The following FAR2 variants were observed in gnomAD, a reference collection of about 807,000 sequenced individuals.
FAR2 encodes the protein epididymis secretory protein Li 81.
In FAR2, 19 loss-of-function variants were observed where a neutral mutation model predicts 56.0. That is an observed-to-expected ratio of 0.34 (90% confidence interval 0.24 to 0.50). The LOEUF is 0.50. Ranked by LOEUF, FAR2 falls within the 20% of genes least tolerant of loss-of-function variation. The probability of loss-of-function intolerance (pLI) is 0.98; values close to 1 mark genes in which losing one functional copy is unlikely to be tolerated. For synonymous variants in FAR2, 219 were observed against 218.8 expected, an observed-to-expected ratio of 1.00 and a Z score of -0.01; for missense variants, 508 against 642.2, an observed-to-expected ratio of 0.79 and a Z score of 2.26.
At chr12:29,288,255 T>G (rs547872185) in intron 2 of FAR2, among the ~76,000 whole-genome samples, 3 of 152,270 alleles carry the variant, frequency 2.0e-5, no homozygotes, top group Admixed American at 2.0e-4. Context: ...AAGAACAAGG[T>G]TTCCTAAAAT....
intron 1 of FAR2, among the ~76,000 whole-genome samples, chr12:29,211,482 A>G (rs184213646): frequency 2.1e-4 from 32 of 152,310 alleles, no homozygotes; most frequent in African/African-American, 7.5e-4. Context: ...AGTTAAGTAT[A>G]TCAACAAGTT....
At chr12:29,203,875 C>T (rs1638477568) in intron 1 of FAR2, among the ~76,000 whole-genome samples, 1 of 151,582 alleles carries the variant, frequency 6.6e-6, no homozygotes, top group Non-Finnish European at 1.5e-5. Context: ...TGGCGGGCGC[C>T]TGTAGTCCCA....
At chr12:29,326,285 A>C (rs1949644700) in intron 10 of FAR2, among the ~76,000 whole-genome samples, 1 of 152,244 alleles carries the variant, frequency 6.6e-6, no homozygotes. Flanking sequence ...AAAAAAGTCC[A>C]GGACCAGATG....
At chr12:29,178,187 A>C (rs1050620943) in intron 1 of FAR2, among the ~76,000 whole-genome samples, 1 of 152,104 alleles carries the variant, frequency 6.6e-6, no homozygotes, top group African/African-American at 2.4e-5. Flanking sequence ...TAACAATAAA[A>C]AAAAAAAAAG....
intron 1 of FAR2, among the ~76,000 whole-genome samples, chr12:29,162,952 A>G (rs577910273): frequency 6.6e-6 from 1 of 152,378 alleles, no homozygotes; most frequent in South Asian, 2.1e-4. Context: ...TAAGAAGAGT[A>G]AAACACAGTC....
At chr12:29,200,465 A>G (rs1395825893) in intron 1 of FAR2, among the ~76,000 whole-genome samples, 1 of 152,210 alleles carries the variant, frequency 6.6e-6, no homozygotes, top group Non-Finnish European at 1.5e-5. Flanking sequence ...GTATTCGACA[A>G]TCAGTCTTCT....
At chr12:29,210,926 G>A (rs1483213559) in intron 1 of FAR2, among the ~76,000 whole-genome samples, 3 of 138,314 alleles carry the variant, frequency 2.2e-5, no homozygotes, top group Non-Finnish European at 4.7e-5. Flanking sequence ...GTGTGACAGA[G>A]TGAGACTCCG....
At chr12:29,222,308 TTTTG>T (rs1947705232) in intron 1 of FAR2, among the ~76,000 whole-genome samples, 1 of 152,226 alleles carries the variant, frequency 6.6e-6, no homozygotes, top group Admixed American at 6.5e-5. Flanking sequence ...TATTTCATTG[TTTTG>T]ATTGTTAAAG....
intron 2 of FAR2, among the ~76,000 whole-genome samples, chr12:29,283,114 A>G (rs756379369): frequency 2.6e-5 from 4 of 152,220 alleles, no homozygotes; most frequent in African/African-American, 4.8e-5. Context: ...ATGTTCCACA[A>G]TAGAGGAATG....
chr12:29,211,312 T>G (rs1947544611), intron 1 of FAR2, among the ~76,000 whole-genome samples: 1 of 152,088 alleles, frequency 6.6e-6, no homozygotes, highest in Non-Finnish European at 1.5e-5. Context: ...AAGAATATCT[T>G]GAATATCTTG....
rs148185891 is a variant in FAR2 at position 29,307,845 on chromosome 12, C to A, written c.723+10C>A. On this transcript the variant is annotated intron_variant, in intron 5 of 11. Transcript: ENST00000536681. ...GCAGGAGCCTTTCCCAGTAAGCCCA[C>A]TTACCTGGATTCTGTGTTTTGCTTC... 1,424 of 1,605,484 alleles carry A rather than the reference C, an allele frequency of 8.9e-4. 19 individuals are homozygous for A. The South Asian group carries it at 0.011, about 12-fold the overall frequency.
chr12:29,248,814 T>C (rs937755472), intron 1 of FAR2, among the ~76,000 whole-genome samples: 2 of 152,222 alleles, frequency 1.3e-5, no homozygotes, highest in Admixed American at 1.3e-4. Flanking sequence ...GTATTCTCTT[T>C]CCCAGGGATG....
chr12:29,317,490 C>T (rs911768370), intron 9 of FAR2, among the ~76,000 whole-genome samples: 6 of 152,102 alleles, frequency 3.9e-5, no homozygotes, highest in East Asian at 1.9e-4. Context: ...AAAGGATACT[C>T]GACCTGTATA....
intron 1 of FAR2, among the ~76,000 whole-genome samples, chr12:29,189,115 A>C (rs1409019928): frequency 6.6e-6 from 1 of 152,088 alleles, no homozygotes; most frequent in East Asian, 1.9e-4. Flanking sequence ...TTCAAGGAGA[A>C]GGGGGAAAGG....
chr12:29,186,343 C>T (rs896491603), intron 1 of FAR2, among the ~76,000 whole-genome samples: 1 of 152,148 alleles, frequency 6.6e-6, no homozygotes, highest in Non-Finnish European at 1.5e-5. Context: ...CATAAGCACC[C>T]GAGTGCAGGA....
At chr12:29,330,919 A>G (rs1338199210) in intron 10 of FAR2, among the ~76,000 whole-genome samples, 1 of 152,224 alleles carries the variant, frequency 6.6e-6, no homozygotes, top group Non-Finnish European at 1.5e-5. Context: ...TACAGACTAA[A>G]TAGAATAAAT....
chr12:29,289,464 G>A (rs1435343630), intron 2 of FAR2, among the ~76,000 whole-genome samples: 1 of 152,186 alleles, frequency 6.6e-6, no homozygotes, highest in Non-Finnish European at 1.5e-5. Context: ...TTCAATAAAT[G>A]GTGTTGGGAA....
chr12:29,268,170 T>C (rs1948550062), intron 1 of FAR2, among the ~76,000 whole-genome samples: 1 of 152,192 alleles, frequency 6.6e-6, no homozygotes, highest in African/African-American at 2.4e-5. Context: ...GAGCAGGGTG[T>C]TGACACTTCT....
At chr12:29,310,172 C>A (rs1292638317) in intron 6 of FAR2, among the ~76,000 whole-genome samples, 4 of 152,168 alleles carry the variant, frequency 2.6e-5, no homozygotes, top group African/African-American at 9.7e-5. Context: ...TGACTTAGAA[C>A]ATCATTATTT....
Sources: gnomAD v4.1 joint callset for allele counts (sites outside exome capture counted in the v4.1 genomes callset) on GRCh38, gnomAD v4.1.1 for gene constraint, MANE v1.5 for transcripts, NCBI Gene and HGNC (gene_info 2026-07-23, HGNC 2026-07-21) for gene names.